SUPT3H: variants seen among roughly 807,000 people sequenced by gnomAD.
The protein encoded by SUPT3H is transcription initiation protein SPT3 homolog.
In SUPT3H, 44 loss-of-function variants were observed where a neutral mutation model predicts 44.3. That is an observed-to-expected ratio of 0.99 (90% CI 0.78 to 1.28). The LOEUF (loss-of-function observed/expected upper bound fraction) is 1.28, where lower values mean the gene tolerates loss of function less well. Among genes scored for constraint, SUPT3H ranks in the 50% most tolerant of loss-of-function variants. SUPT3H has a pLI of 0.00. For missense variants in SUPT3H, 380 were observed against 387.1 expected (o/e 0.98, Z 0.15); for synonymous variants, 124 against 125.6 (o/e 0.99, Z 0.09).
At chr6:45,110,140 G>A (rs1799833637) in intron 2 of SUPT3H, among the ~76,000 whole-genome samples, 1 of 152,146 alleles carries the variant, frequency 6.6e-6, no homozygotes, top group South Asian at 2.1e-4. Flanking sequence ...ACTTAATAAT[G>A]ATTGGGGCGG....
chr6:44,910,942 C>A (rs1766922900), intron 10 of SUPT3H, among the ~76,000 whole-genome samples: 1 of 136,744 alleles, frequency 7.3e-6, no homozygotes, highest in African/African-American at 2.7e-5. Flanking sequence ...TTGCAATGAG[C>A]CGAGATCATG....
chr6:45,061,635 G>T (rs1792052024), intron 3 of SUPT3H, among the ~76,000 whole-genome samples: 1 of 151,860 alleles, frequency 6.6e-6, no homozygotes, highest in Non-Finnish European at 1.5e-5. Flanking sequence ...AAGAAATTAG[G>T]GATTGTTTAT....
At chr6:44,869,579 A>C (rs1043901416) in intron 10 of SUPT3H, among the ~76,000 whole-genome samples, 1 of 152,232 alleles carries the variant, frequency 6.6e-6, no homozygotes, top group Non-Finnish European at 1.5e-5. Flanking sequence ...ATGCAAAAAA[A>C]CCTAAACCAA....
At position 45,158,296 on chromosome 6, in the gene SUPT3H, A is replaced by ATT. The variant is rs1489076667; in HGVS notation, c.102-52291_102-52290insAA. 3.3e-4 allele frequency among the ~76,000 whole-genome samples: 24 copies of ATT among 72,010 alleles called. 1 individual carries two copies. The highest frequency in any genetic ancestry group is 1.2e-3 in the Admixed American group (7 of 5,736). 47.2% of individuals were successfully genotyped at this position (72,010 alleles called of 152,430 possible). On this transcript the variant is annotated intron_variant, in intron 2 of 10. Transcript: ENST00000371459. ...TATACATATATATATATATATATAT[A>ATT]TATTTTTTTTTTTTTTTTTTTGAGA...
chr6:45,337,090 C>T (rs1788723946), intron 2 of SUPT3H, among the ~76,000 whole-genome samples: 1 of 151,644 alleles, frequency 6.6e-6, no homozygotes, highest in Non-Finnish European at 1.5e-5. Flanking sequence ...CAACCCCGAA[C>T]ATAGGAGATA....
chr6:45,119,512 A>G (rs1414259757), intron 2 of SUPT3H, among the ~76,000 whole-genome samples: 2 of 152,172 alleles, frequency 1.3e-5, no homozygotes, highest in African/African-American at 2.4e-5. Flanking sequence ...ATACTGTTAG[A>G]GCAGATTAAA....
At position 44,828,444 on chromosome 6, in the gene SUPT3H, A is replaced by G. The variant is rs1768031035; in HGVS notation, c.*1372T>C. 6.6e-6 allele frequency among the ~76,000 whole-genome samples: 1 copy of G among 152,182 alleles called. No individual in the cohort carries two copies. Among genetic ancestry groups the G allele is most frequent in the African/African-American group, 2.4e-5 (1 of 41,462 alleles). On this transcript the variant is annotated 3_prime_UTR_variant, in exon 11 of 11. Transcript: ENST00000371459. ...CAAATGTAAATAATGTGGCATAATA[A>G]TATTAACTGAGCCTCATAATTCTTT...
At chr6:45,054,555 C>T (rs767901491) in intron 3 of SUPT3H, among the ~76,000 whole-genome samples, 3 of 151,980 alleles carry the variant, frequency 2.0e-5, no homozygotes, top group Non-Finnish European at 2.9e-5. Flanking sequence ...TATGCTTTTC[C>T]TTTGTTAGTC....
chr6:45,364,483 A>G (rs1794796563), intron 2 of SUPT3H, among the ~76,000 whole-genome samples: 1 of 152,086 alleles, frequency 6.6e-6, no homozygotes, highest in Admixed American at 6.5e-5. Context: ...GAGCACTATA[A>G]TATCTTGCCC....
intron 2 of SUPT3H, among the ~76,000 whole-genome samples, chr6:45,342,961 G>A (rs751861307): frequency 3.0e-4 from 45 of 152,076 alleles, no homozygotes; most frequent in East Asian, 7.7e-4. Context: ...CAGTTATAGC[G>A]CCTAGTACAT....
intron 6 of SUPT3H, among the ~76,000 whole-genome samples, chr6:44,978,978 A>T (rs1357683262): frequency 6.6e-6 from 1 of 152,202 alleles, no homozygotes; most frequent in African/African-American, 2.4e-5. Flanking sequence ...AAAGCACAAA[A>T]GCAATCCTGT....
chr6:45,106,586 T>C (rs1044983958), intron 2 of SUPT3H, among the ~76,000 whole-genome samples: 1 of 152,086 alleles, frequency 6.6e-6, no homozygotes, highest in Non-Finnish European at 1.5e-5. Flanking sequence ...GCCCAGGCTG[T>C]AGTGCAGTGG....
At chr6:44,928,882 C>CAAAAAAAAAAAAAAAAAAAAA (rs35656937) in intron 10 of SUPT3H, among the ~76,000 whole-genome samples, 5 of 20,612 alleles carry the variant, frequency 2.4e-4, no homozygotes, top group South Asian at 2.0e-3. Flanking sequence ...GACTCCGTCT[C>CAAAAAAAAAAAAAAAAAAAAA]AAAAAAAAAA....
intron 2 of SUPT3H, among the ~76,000 whole-genome samples, chr6:45,255,820 G>A (rs1181588167): frequency 2.6e-5 from 4 of 151,966 alleles, no homozygotes; most frequent in African/African-American, 7.3e-5. Context: ...TAATATATTC[G>A]CAGATATGTG....
intron 2 of SUPT3H, among the ~76,000 whole-genome samples, chr6:45,282,993 T>G (rs182166571): frequency 0.018 from 2,684 of 152,132 alleles, 51 homozygotes; most frequent in South Asian, 0.086. Flanking sequence ...CTAAGCTTCA[T>G]AAGTGAAGGA....
chr6:44,983,066 T>C (rs1779321576), intron 6 of SUPT3H, among the ~76,000 whole-genome samples: 1 of 152,196 alleles, frequency 6.6e-6, no homozygotes, highest in Non-Finnish European at 1.5e-5. Flanking sequence ...GAGAAGTATA[T>C]CTAAGAGATT....
chr6:44,937,900 CTTTTTTT>C lies in SUPT3H; in HGVS notation c.802-5144_802-5138del, dbSNP rs746279156. Among the ~76,000 whole-genome samples, 8 of 59,114 alleles carry C rather than the reference CTTTTTTT, an allele frequency of 1.4e-4. No homozygotes were observed. The South Asian group carries it at 5.0e-3, about 37-fold the overall frequency. 38.8% of individuals were successfully genotyped at this position (59,114 alleles called of 152,430 possible). Reference sequence around the variant, plus strand: ...ATTCTGCAGGTTCTTTGCTCACTATCTTTTTTTTTTTTTTTTTTTTTTTTTTTGAGGC... The same window carrying C: ...ATTCTGCAGGTTCTTTGCTCACTATCTTTTTTTTTTTTTTTTTTTTGAGGC... On this transcript the variant is annotated intron_variant, in intron 9 of 10. Coordinates refer to ENST00000371459, the MANE Select transcript of SUPT3H (RefSeq NM_003599.4).
chr6:45,280,354 A>C (rs1371695935), intron 2 of SUPT3H, among the ~76,000 whole-genome samples: 5 of 152,044 alleles, frequency 3.3e-5, no homozygotes, highest in African/African-American at 1.2e-4. Context: ...ATACAAAAAA[A>C]AGTTAGCCAG....
chr6:45,140,822 C>T (rs1805055459), intron 2 of SUPT3H, among the ~76,000 whole-genome samples: 1 of 152,140 alleles, frequency 6.6e-6, no homozygotes, highest in South Asian at 2.1e-4. Flanking sequence ...TACAGTCTGA[C>T]TCTCAGGAAG....
Sources: gnomAD v4.1 joint callset for allele counts (sites outside exome capture counted in the v4.1 genomes callset) on GRCh38, gnomAD v4.1.1 for gene constraint, MANE v1.5 for transcripts, NCBI Gene and HGNC (gene_info 2026-07-23, HGNC 2026-07-21) for gene names.